KHDRBS2: variants seen among roughly 807,000 people sequenced by gnomAD.
KHDRBS2 encodes KH domain-containing, RNA-binding, signal transduction-associated protein 2.
Under a neutral mutation model 44.3 loss-of-function variants are expected in KHDRBS2, and 26 were observed. That is an observed-to-expected ratio of 0.59 (90% confidence interval 0.43 to 0.81). KHDRBS2 has a LOEUF of 0.81. KHDRBS2 is among the 40% of genes least tolerant of loss of function. The probability of loss-of-function intolerance (pLI) is 0.00; values close to 1 mark genes in which losing one functional copy is unlikely to be tolerated. For missense variants in KHDRBS2, 476 were observed against 433.1 expected, an observed-to-expected ratio of 1.10 and a Z score of -0.88; for synonymous variants, 194 against 151.1, an observed-to-expected ratio of 1.28 and a Z score of -2.08.
chr6:61,598,829 TTTCTTTTC>T, the KHDRBS2 span, among the ~76,000 whole-genome samples: 28,100 of 87,930 alleles, frequency 0.32, 4,132 homozygotes, highest in East Asian at 0.37. Flanking sequence ...AGTGTCCTTT[TTTCTTTTC>T]TTTTTTTTTT....
At chr6:62,118,044 G>A (rs980479432) in intron 2 of KHDRBS2, among the ~76,000 whole-genome samples, 1 of 152,156 alleles carries the variant, frequency 6.6e-6, no homozygotes, top group African/African-American at 2.4e-5. Context: ...CCGAAGTGTT[G>A]AGATTACAGG....
At chr6:62,080,683 G>C (rs191596812) in intron 2 of KHDRBS2, among the ~76,000 whole-genome samples, 10 of 152,204 alleles carry the variant, frequency 6.6e-5, no homozygotes, top group Admixed American at 1.3e-4. Flanking sequence ...CTACCCTTCA[G>C]TATCGTGCTC....
intron 3 of KHDRBS2, among the ~76,000 whole-genome samples, chr6:62,004,734 C>G (rs934221724): frequency 6.6e-6 from 1 of 152,078 alleles, no homozygotes; most frequent in Non-Finnish European, 1.5e-5. Flanking sequence ...AGACCAATAT[C>G]CCTGATGAAC....
chr6:61,550,293 T>C, the KHDRBS2 span, among the ~76,000 whole-genome samples: 5 of 152,094 alleles, frequency 3.3e-5, no homozygotes, highest in South Asian at 1.0e-3. Context: ...TGAGAACGTG[T>C]GGTATTTGGT....
intron 2 of KHDRBS2, among the ~76,000 whole-genome samples, chr6:62,143,383 T>C (rs1391304121): frequency 6.6e-6 from 1 of 152,030 alleles, no homozygotes; most frequent in South Asian, 2.1e-4. Flanking sequence ...TATTTTAACA[T>C]GGATAGAATT....
intron 4 of KHDRBS2, among the ~76,000 whole-genome samples, chr6:61,952,001 T>C (rs746326026): frequency 7.2e-5 from 11 of 152,110 alleles, no homozygotes; most frequent in Non-Finnish European, 1.6e-4. Context: ...TCTGAAATTA[T>C]ACTAAAAAGT....
At chr6:61,583,499 C>T in the KHDRBS2 span, among the ~76,000 whole-genome samples, 1 of 151,600 alleles carries the variant, frequency 6.6e-6, no homozygotes. Context: ...CAATGAATTA[C>T]TTTGACATCA....
At chr6:61,717,378 A>C (rs562422287) in intron 7 of KHDRBS2, among the ~76,000 whole-genome samples, 1 of 152,186 alleles carries the variant, frequency 6.6e-6, no homozygotes, top group Non-Finnish European at 1.5e-5. Flanking sequence ...GTGTTTATTG[A>C]GAGCTGAATT....
chr6:61,864,359 C>T lies in KHDRBS2; in HGVS notation c.810+30276G>A, dbSNP rs2127297511. On this transcript the variant is annotated intron_variant, in intron 6 of 8. Transcript: ENST00000281156. ...TTTTTCAGACTTGTTCATATGGTGG[C>T]TTCATAGTGTCACTGGTCTGTATAC... Among the ~76,000 whole-genome samples, 3 of 152,176 alleles carry T rather than the reference C, an allele frequency of 2.0e-5. No homozygotes were observed. In the Middle Eastern group the frequency reaches 0.01, roughly 518 times the overall value.
At chr6:62,096,112 G>T (rs1031217829) in intron 2 of KHDRBS2, among the ~76,000 whole-genome samples, 6 of 151,804 alleles carry the variant, frequency 4.0e-5, no homozygotes, top group East Asian at 1.9e-4. Flanking sequence ...TTTTGGATTT[G>T]GTTTGCTAGT....
At chr6:61,918,727 G>T (rs1021524713) in intron 4 of KHDRBS2, among the ~76,000 whole-genome samples, 4 of 151,966 alleles carry the variant, frequency 2.6e-5, no homozygotes, top group African/African-American at 7.2e-5. Flanking sequence ...TCTGAGAAAA[G>T]AAGAGGTAAT....
intron 1 of KHDRBS2, among the ~76,000 whole-genome samples, chr6:62,218,066 G>A (rs947679992): frequency 3.3e-5 from 5 of 151,778 alleles, no homozygotes; most frequent in Non-Finnish European, 5.9e-5. Context: ...GGGGCATCTT[G>A]CCAACACGGG....
At chr6:61,843,910 G>C (rs181103512) in intron 6 of KHDRBS2, among the ~76,000 whole-genome samples, 1 of 151,790 alleles carries the variant, frequency 6.6e-6, no homozygotes, top group Non-Finnish European at 1.5e-5. Context: ...TCTTTCTATC[G>C]AATGAACCCT....
intron 3 of KHDRBS2, among the ~76,000 whole-genome samples, chr6:61,983,897 A>T (rs1430570987): frequency 6.6e-6 from 1 of 152,158 alleles, no homozygotes; most frequent in Non-Finnish European, 1.5e-5. Context: ...TTTTTTAGCT[A>T]CTTGCATCTC....
At chr6:61,683,003 A>AT (rs1766463831) in intron 8 of KHDRBS2, among the ~76,000 whole-genome samples, 1 of 151,866 alleles carries the variant, frequency 6.6e-6, no homozygotes, top group Non-Finnish European at 1.5e-5. Flanking sequence ...CCAATTTATC[A>AT]TGGTTTTTAA....
At chr6:62,106,277 T>G (rs1232506191) in intron 2 of KHDRBS2, among the ~76,000 whole-genome samples, 1 of 152,178 alleles carries the variant, frequency 6.6e-6, no homozygotes, top group Non-Finnish European at 1.5e-5. Flanking sequence ...TGGAGAGTTC[T>G]GTAGATGTCT....
chr6:61,571,178 G>A, the KHDRBS2 span, among the ~76,000 whole-genome samples: 122,096 of 151,916 alleles, frequency 0.8, 49,504 homozygotes, highest in African/African-American at 0.9. Context: ...CAAGAGACTC[G>A]CCTAATATAT....
chr6:61,652,444 A>T, the KHDRBS2 span: 1 of 151,764 alleles, frequency 6.6e-6, no homozygotes, highest in African/African-American at 2.4e-5. Context: ...TATATATTTT[A>T]CATATTTATA....
intron 8 of KHDRBS2, among the ~76,000 whole-genome samples, chr6:61,681,624 C>G (rs1219980534): frequency 2.0e-5 from 3 of 146,850 alleles, no homozygotes; most frequent in Non-Finnish European, 4.6e-5. Flanking sequence ...CCTTAAGCAG[C>G]AAAATCAGTA....
Sources: gnomAD v4.1 joint callset for allele counts (sites outside exome capture counted in the v4.1 genomes callset) on GRCh38, gnomAD v4.1.1 for gene constraint, MANE v1.5 for transcripts, NCBI Gene and HGNC (gene_info 2026-07-23, HGNC 2026-07-21) for gene names.